The following ADAM9 variants were observed in gnomAD, a reference collection of about 807,000 sequenced individuals.
The protein encoded by ADAM9 is disintegrin and metalloproteinase domain-containing protein 9.
ADAM9 carries 54 observed loss-of-function variants against 108.1 expected under a neutral mutation model. That is an observed-to-expected ratio of 0.50 (90% confidence interval 0.40 to 0.63). The LOEUF is 0.63. ADAM9 is among the 20% of genes least tolerant of loss of function. ADAM9 has a pLI of 0.00. For missense variants in ADAM9, 830 were observed against 997.7 expected (o/e 0.83, Z 2.26); for synonymous variants, 316 against 336.0 (o/e 0.94, Z 0.65).
intron 12 of ADAM9, among the ~76,000 whole-genome samples, chr8:39,043,868 A>G (rs1308194275): frequency 6.6e-6 from 1 of 152,186 alleles, no homozygotes; most frequent in African/African-American, 2.4e-5. Flanking sequence ...TATAAGTGAG[A>G]ACATGCAGTA....
intron 11 of ADAM9, among the ~76,000 whole-genome samples, chr8:39,028,132 C>T (rs762116780): frequency 3.9e-5 from 6 of 152,018 alleles, no homozygotes; most frequent in Non-Finnish European, 7.4e-5. Context: ...TATCCGTGGC[C>T]CCAAGTGTTC....
At chr8:39,103,569 T>C in intron 21 of ADAM9, 38 bp from the exon 22 acceptor site, 1 of 1,581,858 alleles carries the variant, frequency 6.3e-7, no homozygotes, top group Non-Finnish European at 8.7e-7. Flanking sequence ...TTTCACCCAG[T>C]CTAAACACTC....
At chr8:39,064,943 C>T (rs908903271) in intron 14 of ADAM9, among the ~76,000 whole-genome samples, 1 of 152,156 alleles carries the variant, frequency 6.6e-6, no homozygotes, top group African/African-American at 2.4e-5. Flanking sequence ...TCCCTCACCC[C>T]CTCTGAAAAA....
At chr8:39,012,195 C>T (rs902735127) in intron 3 of ADAM9, among the ~76,000 whole-genome samples, 30 of 152,346 alleles carry the variant, frequency 2.0e-4, no homozygotes, top group Middle Eastern at 3.4e-3. Context: ...AGATTATGAA[C>T]CGCTGAGATA....
Position 39,081,592 on chromosome 8 carries a change from T to C in ADAM9, c.1882-1049T>C, listed in dbSNP as rs113539964. ...AGGAGTGACTTACTGTAGAATCTTC[T>C]GTAATTTTGGAATTTTAAATCATAT... On this transcript the variant is annotated intron_variant, in intron 16 of 21. Coordinates refer to ENST00000487273, the MANE Select transcript of ADAM9 (RefSeq NM_003816.3). 3.3e-5 allele frequency among the ~76,000 whole-genome samples: 5 copies of C among 152,338 alleles called. 1 individual carries two copies. The highest frequency in any genetic ancestry group is 1.2e-4 in the African/African-American group (5 of 41,580).
intron 14 of ADAM9, 80 bp from the exon 15 acceptor site, chr8:39,071,218 C>A: frequency 7.5e-7 from 1 of 1,335,090 alleles, no homozygotes; most frequent in Non-Finnish European, 1.1e-6. Flanking sequence ...GGTGTTTAGA[C>A]TGTTGTAGGG....
At position 39,055,633 on chromosome 8, in the gene ADAM9, G is replaced by A; in HGVS notation, c.1452G>A (p.Glu484=). The A allele has an allele frequency of 6.2e-7, 1 of 1,613,772 alleles. No homozygotes were observed. Among genetic ancestry groups the A allele is most frequent in the Non-Finnish European group, 8.5e-7 (1 of 1,179,764 alleles). The change falls in exon 14 of 22, where the codon GAG becomes GAA. Residue 484 remains glutamate (E), a synonymous_variant. Coordinates refer to ENST00000487273, the MANE Select transcript of ADAM9 (RefSeq NM_003816.3). Reference sequence around the variant, plus strand: ...AAACCAGTGAGTGTGATGTTCCAGAGTACTGCAATGGTTCTTCTCAGTTCT... The same window carrying A: ...AAACCAGTGAGTGTGATGTTCCAGAATACTGCAATGGTTCTTCTCAGTTCT... ...RGKTSECDVP[E]YCNGSSQFCQ...
intron 14 of ADAM9, 123 bp from the exon 15 acceptor site, chr8:39,071,175 A>G: frequency 1.3e-6 from 1 of 772,992 alleles, no homozygotes; most frequent in Non-Finnish European, 2.1e-6. Flanking sequence ...AAGGTTTTCC[A>G]CGGTGTTGAG....
chr8:39,095,364 T>G (rs767112501), intron 20 of ADAM9, among the ~76,000 whole-genome samples: 3 of 152,228 alleles, frequency 2.0e-5, no homozygotes, highest in Admixed American at 6.5e-5. Context: ...CAGCTATATT[T>G]TAAAATATTT....
intron 4 of ADAM9, 101 bp downstream of exon 4, chr8:39,014,144 C>T: frequency 1.1e-6 from 1 of 923,502 alleles, no homozygotes; most frequent in South Asian, 1.3e-5. Flanking sequence ...TGCACAGCCC[C>T]ACAGGGTACC....
intron 2 of ADAM9, 93 bp from the exon 3 acceptor site, chr8:39,011,565 C>A: frequency 1.7e-6 from 2 of 1,166,054 alleles, no homozygotes; most frequent in Non-Finnish European, 2.5e-6. Flanking sequence ...TATTTTAATT[C>A]AGGATGGAAT....
chr8:39,075,428 G>T (rs1273536055), intron 15 of ADAM9, among the ~76,000 whole-genome samples: 1 of 152,174 alleles, frequency 6.6e-6, no homozygotes, highest in East Asian at 1.9e-4. Context: ...TGAATATCCA[G>T]TTCCTGACCA....
intron 12 of ADAM9, among the ~76,000 whole-genome samples, chr8:39,051,849 C>G (rs552463362): frequency 6.6e-6 from 1 of 152,112 alleles, no homozygotes; most frequent in Non-Finnish European, 1.5e-5. Context: ...ACCATACTCT[C>G]ATTAATTACT....
At chr8:39,043,241 G>A (rs1282697284) in intron 12 of ADAM9, among the ~76,000 whole-genome samples, 4 of 152,124 alleles carry the variant, frequency 2.6e-5, no homozygotes, top group African/African-American at 9.7e-5. Context: ...GTGAACATAG[G>A]AATGCTAATA....
intron 12 of ADAM9, among the ~76,000 whole-genome samples, chr8:39,044,886 ATATATATGTG>A (rs1419882101): frequency 6.1e-5 from 8 of 131,570 alleles, no homozygotes; most frequent in African/African-American, 2.6e-4. Context: ...ATATATATGT[ATATATATGTG>A]TGTGCACACA....
Position 39,105,082 on chromosome 8 carries a change from A to T in ADAM9, c.*1382A>T, listed in dbSNP as rs1439559867. 4.9e-6 allele frequency: 2 copies of T among 404,730 alleles called. No individual in the cohort carries two copies. Among genetic ancestry groups the T allele is most frequent in the African/African-American group, 4.2e-5 (2 of 47,340 alleles). The allele number at this position is 404,730 out of a possible 1,614,324, so 25.1% of individuals were successfully genotyped here. On this transcript the variant is annotated 3_prime_UTR_variant, in exon 22 of 22. Transcript: ENST00000487273. ...AGTTATAATTTTAGATAAAAATTCT[A>T]GTCAAATTTTTACAGATATTATCTC... is the stretch of plus-strand genomic sequence containing the variant.
chr8:39,022,571 G>A (rs1836781700), intron 8 of ADAM9, among the ~76,000 whole-genome samples: 1 of 152,064 alleles, frequency 6.6e-6, no homozygotes, highest in African/African-American at 2.4e-5. Context: ...ATTATATCAG[G>A]GCAAATTTTG....
chr8:38,997,178 G>T lies in ADAM9; in HGVS notation c.97+18G>T. 6.3e-7 allele frequency: 1 copy of T among 1,593,158 alleles called. No homozygotes were observed. The highest frequency in any genetic ancestry group is 2.2e-5 in the East Asian group (1 of 44,532). ...GCGGCCAGGTGGGTGTCCGCGCCCC[G>T]GGTCGGTTGGGACGGCTGCTTCCTA... On this transcript the variant is annotated intron_variant, in intron 1 of 21. Coordinates refer to ENST00000487273, the MANE Select transcript of ADAM9 (RefSeq NM_003816.3).
chr8:39,039,684 C>CA (rs1285909093), intron 11 of ADAM9, among the ~76,000 whole-genome samples: 8 of 152,242 alleles, frequency 5.3e-5, no homozygotes, highest in Admixed American at 2.6e-4. Flanking sequence ...CGCAGCATAA[C>CA]ATCCTCCAGG....
Sources: gnomAD v4.1 joint callset for allele counts (sites outside exome capture counted in the v4.1 genomes callset) on GRCh38, gnomAD v4.1.1 for gene constraint, MANE v1.5 for transcripts, NCBI Gene and HGNC (gene_info 2026-07-23, HGNC 2026-07-21) for gene names.